OTOGL: variants seen among roughly 807,000 people sequenced by gnomAD.
OTOGL encodes the protein otogelin-like protein.
Under a neutral mutation model 318.5 loss-of-function variants are expected in OTOGL, and 285 were observed. The ratio of observed to expected loss-of-function variants is 0.89; its 90% CI spans 0.81 to 0.99. The LOEUF is 0.99. Among genes scored for constraint, OTOGL ranks in the 50% least tolerant of loss-of-function variants. The probability of loss-of-function intolerance (pLI) is 0.00; values close to 1 mark genes in which losing one functional copy is unlikely to be tolerated. For missense variants in OTOGL, 2,899 were observed against 2,845.6 expected, an observed-to-expected ratio of 1.02 and a Z score of -0.43; for synonymous variants, 987 against 936.5, an observed-to-expected ratio of 1.05 and a Z score of -0.99.
At chr12:80,323,888 T>G (rs558766906) in intron 35 of OTOGL, 48 bp downstream of exon 35, 6 of 1,435,078 alleles carry the variant, frequency 4.2e-6, no homozygotes, top group Middle Eastern at 1.8e-4. Flanking sequence ...CTTAGCAAAT[T>G]CTGTTTTCAG....
chr12:80,298,310 A>G (rs192229884), intron 27 of OTOGL, among the ~76,000 whole-genome samples: 306 of 152,270 alleles, frequency 2.0e-3, no homozygotes, highest in Non-Finnish European at 3.0e-3. Context: ...GTGATTGTTA[A>G]GAGCATAGAC....
chr12:80,278,403 C>A, intron 25 of OTOGL, 128 bp downstream of exon 25: 1 of 714,848 alleles, frequency 1.4e-6, no homozygotes, highest in Non-Finnish European at 2.3e-6. Context: ...AATTTAAAGG[C>A]CTGCAGGAGT....
At chr12:80,286,760 A>T (rs1884659771) in intron 26 of OTOGL, among the ~76,000 whole-genome samples, 1 of 151,440 alleles carries the variant, frequency 6.6e-6, no homozygotes, top group Admixed American at 6.6e-5. Context: ...ATGCAAATAA[A>T]CTAGAAAATC....
At chr12:80,335,933 A>G in intron 38 of OTOGL, 30 bp from the exon 39 acceptor site, 1 of 1,496,076 alleles carries the variant, frequency 6.7e-7, no homozygotes, top group Non-Finnish European at 8.9e-7. Context: ...CTGAGAATGA[A>G]AAAACCCACT....
chr12:80,240,515 A>G (rs1880282365), intron 11 of OTOGL, among the ~76,000 whole-genome samples: 1 of 152,150 alleles, frequency 6.6e-6, no homozygotes, highest in South Asian at 2.1e-4. Context: ...TTTCAAATCT[A>G]ATAACTACTG....
At chr12:80,126,211 A>G (rs1021167492) in intron 1 of OTOGL, among the ~76,000 whole-genome samples, 1 of 151,822 alleles carries the variant, frequency 6.6e-6, no homozygotes, top group African/African-American at 2.4e-5. Flanking sequence ...ACTGCTTTGA[A>G]TGTGTCCTAG....
Position 80,318,681 on chromosome 12 carries a change from T to C in OTOGL, c.3770T>C (p.Ile1257Thr), listed in dbSNP as rs373734325. The change falls in exon 33 of 59, where the codon ATC becomes ACC. Residue 1257 changes from isoleucine (I) to threonine (T), a missense_variant. Ile to Thr is a moderately conservative substitution (Grantham distance 89). Around this residue, in one of 3 missense-constraint regions of OTOGL, gnomAD observed 2,607 missense variants for 2,524.9 expected, o/e 1.03. Transcript: ENST00000547103. ...VHTSLFFYFMITPGLFKEKVS... is the reference protein window; with the variant it reads ...VHTSLFFYFMTTPGLFKEKVS... ...ACCAGTTTATTTTTTTATTTTATGA[T>C]CACTCCAGGCCTTTTCAAAGAGAAG... 6.8e-5 allele frequency: 97 copies of C among 1,429,486 alleles called. No individual in the cohort carries two copies. Among genetic ancestry groups the C allele is most frequent in the Non-Finnish European group, 8.7e-5 (95 of 1,086,118 alleles). 88.6% of individuals were successfully genotyped at this position (1,429,486 alleles called of 1,614,324 possible).
At chr12:80,311,526 G>A (rs1886632563) in intron 30 of OTOGL, among the ~76,000 whole-genome samples, 2 of 152,042 alleles carry the variant, frequency 1.3e-5, no homozygotes, top group African/African-American at 4.8e-5. Context: ...GGATTCAAGC[G>A]ATTCTCCTGC....
Position 80,188,336 on chromosome 12 carries a change from G to A in OTOGL, c.-19-21077G>A, listed in dbSNP as rs560447344. Among the ~76,000 whole-genome samples, 7 of 151,998 alleles carry A rather than the reference G, an allele frequency of 4.6e-5. No homozygotes were observed. In the East Asian group the frequency reaches 1.4e-3, roughly 29 times the overall value. On this transcript the variant is annotated intron_variant, in intron 1 of 58. Transcript: ENST00000547103. ...GGGCAGATCACGAGGTCAGGAGTTC[G>A]AGACCAGCCTGACCAACATGGTGAA...
intron 23 of OTOGL, among the ~76,000 whole-genome samples, chr12:80,271,390 C>G (rs1406257724): frequency 6.6e-6 from 1 of 151,906 alleles, no homozygotes; most frequent in African/African-American, 2.4e-5. Context: ...TTTGTAAAAG[C>G]CACAATGCTT....
intron 1 of OTOGL, among the ~76,000 whole-genome samples, chr12:80,108,754 A>AAT (rs1231393868): frequency 1.5e-4 from 20 of 135,142 alleles, no homozygotes; most frequent in East Asian, 4.1e-4. Flanking sequence ...TATTTAAAAA[A>AAT]ATATATATAT....
intron 52 of OTOGL, among the ~76,000 whole-genome samples, chr12:80,360,549 T>C (rs1890180600): frequency 1.3e-5 from 2 of 151,308 alleles, no homozygotes; most frequent in African/African-American, 4.9e-5. Context: ...TGGTGTGATC[T>C]CTGCTCACCG....
At chr12:80,169,838 C>T (rs1178535424) in intron 1 of OTOGL, among the ~76,000 whole-genome samples, 1 of 152,088 alleles carries the variant, frequency 6.6e-6, no homozygotes, top group African/African-American at 2.4e-5. Context: ...TTGCATATAT[C>T]GATAGTTCAT....
chr12:80,123,110 T>C (rs541959922), intron 1 of OTOGL, among the ~76,000 whole-genome samples: 80 of 152,182 alleles, frequency 5.3e-4, no homozygotes, highest in African/African-American at 1.9e-3. Context: ...TGTATACATG[T>C]GCCATGCTGG....
At chr12:80,099,885 A>C (rs1196439099) in intron 1 of OTOGL, among the ~76,000 whole-genome samples, 2 of 152,350 alleles carry the variant, frequency 1.3e-5, no homozygotes, top group African/African-American at 4.8e-5. Flanking sequence ...TCAATGGTTT[A>C]GTTCCAATCA....
intron 26 of OTOGL, among the ~76,000 whole-genome samples, chr12:80,290,269 A>G (rs1283323344): frequency 2.6e-5 from 4 of 151,606 alleles, no homozygotes; most frequent in Non-Finnish European, 5.9e-5. Context: ...CTCAGTTGGA[A>G]ATGCAGAAAT....
chr12:80,128,326 G>A (rs972746546), intron 1 of OTOGL, among the ~76,000 whole-genome samples: 4 of 152,202 alleles, frequency 2.6e-5, no homozygotes, highest in African/African-American at 9.7e-5. Context: ...GTTTGCCTGG[G>A]TTTCAGCAGC....
chr12:80,300,440 T>C (rs577929318), intron 27 of OTOGL, among the ~76,000 whole-genome samples: 2 of 152,162 alleles, frequency 1.3e-5, no homozygotes, highest in Non-Finnish European at 2.9e-5. Flanking sequence ...TCCAGGGAGA[T>C]TGGGCGGACA....
chr12:80,229,649 T>TC lies in OTOGL; in HGVS notation c.611+271_611+272insC, dbSNP rs557076036. 1.1e-3 allele frequency among the ~76,000 whole-genome samples: 157 copies of TC among 147,454 alleles called. 1 individual carries two copies. The highest frequency in any genetic ancestry group is 4.7e-3 in the South Asian group (22 of 4,674). On this transcript the variant is annotated intron_variant, in intron 8 of 58. Transcript: ENST00000547103. The stretch of plus-strand genomic sequence containing the variant: ...GTGGAGATGAGAGTCTCTCTCTCTC[T>TC]TTTTTTTTTTCTGAGAGATTCAAGA...
Sources: allele counts gnomAD v4.1 joint callset (sites outside exome capture counted in the v4.1 genomes callset), GRCh38; gene constraint gnomAD v4.1.1; regional missense constraint gnomAD v4.1.1; transcripts MANE v1.5; gene names NCBI Gene and HGNC (gene_info 2026-07-23, HGNC 2026-07-21).